PARD3B: variants seen among roughly 807,000 people sequenced by gnomAD.
PARD3B encodes the protein partitioning defective 3 homolog B.
Under a neutral mutation model 130.2 loss-of-function variants are expected in PARD3B, and 103 were observed. That is an observed-to-expected ratio of 0.79 (90% CI 0.67 to 0.93). PARD3B has a LOEUF of 0.93. PARD3B is among the 40% of genes least tolerant of loss of function. The probability of loss-of-function intolerance (pLI) is 0.00; values close to 1 mark genes in which losing one functional copy is unlikely to be tolerated. For synonymous variants in PARD3B, 583 were observed against 553.2 expected (o/e 1.05, Z -0.76); for missense variants, 1,609 against 1,499.2 (o/e 1.07, Z -1.21).
chr2:205,150,636 A>G (rs1260708535), intron 10 of PARD3B, among the ~76,000 whole-genome samples: 1 of 152,194 alleles, frequency 6.6e-6, no homozygotes, highest in Non-Finnish European at 1.5e-5. Context: ...TAAGCCTGGT[A>G]CAGCATAAGA....
chr2:205,606,467 A>T (rs184363948), intron 22 of PARD3B, among the ~76,000 whole-genome samples: 3 of 151,508 alleles, frequency 2.0e-5, no homozygotes, highest in African/African-American at 7.3e-5. Flanking sequence ...AAGAACCTGG[A>T]TACCTCAGTA....
chr2:205,506,757 A>G (rs2050380789), intron 21 of PARD3B, among the ~76,000 whole-genome samples: 1 of 152,238 alleles, frequency 6.6e-6, no homozygotes. Context: ...CCTTAAAAGC[A>G]TCTGATAAAA....
Position 205,125,796 on chromosome 2 carries a change from A to C in PARD3B, c.1434+59A>C. 1 of 1,589,050 alleles carries C rather than the reference A, an allele frequency of 6.3e-7. No homozygotes were observed. Among genetic ancestry groups the C allele is most frequent in the Non-Finnish European group, 8.6e-7 (1 of 1,164,032 alleles). ...AATGCCGAGCTTAATACACTCAATG[A>C]ACTCATTATAGCTGAGAAACGAGTT... is the stretch of plus-strand genomic sequence containing the variant. On this transcript the variant is annotated intron_variant, in intron 10 of 22. Coordinates refer to ENST00000406610, the MANE Select transcript of PARD3B (RefSeq NM_001302769.2). This position sits in a 1 kb window ranked among gnomAD's most constrained non-coding sequence, Gnocchi z 4.0.
chr2:205,611,287 A>G (rs1200573538), intron 22 of PARD3B, among the ~76,000 whole-genome samples: 1 of 152,172 alleles, frequency 6.6e-6, no homozygotes, highest in Non-Finnish European at 1.5e-5. Context: ...TCCTTCCAGT[A>G]TTGAGCCCTT....
In PARD3B at chr2:205,121,841, C is replaced by T; in HGVS notation, c.1057C>T (p.Pro353Ser). 6.2e-7 allele frequency: 1 copy of T among 1,614,100 alleles called. No homozygotes were observed. The highest frequency in any genetic ancestry group is 8.5e-7 in the Non-Finnish European group (1 of 1,179,994). ...ASASLQQNKS[P>S]RVPRLGGKPS... ...AGCTTCCCTGCAACAAAACAAGAGT[C>T]CCCGAGTACCAAGGCTGGGAGGAAA... The change falls in exon 8 of 23, where the codon CCC becomes TCC. Residue 353 changes from proline (P) to serine (S), a missense_variant. Physicochemically the swap from Pro to Ser is moderately conservative, Grantham distance 74. Coordinates refer to ENST00000406610, the MANE Select transcript of PARD3B (RefSeq NM_001302769.2). This position sits in a 1 kb window ranked among gnomAD's most constrained non-coding sequence, Gnocchi z 5.0.
chr2:205,336,667 G>T (rs1296544915), intron 18 of PARD3B, among the ~76,000 whole-genome samples: 1 of 152,138 alleles, frequency 6.6e-6, no homozygotes, highest in Non-Finnish European at 1.5e-5. Flanking sequence ...TAGTTAATGA[G>T]CCCTATTCCT....
At chr2:204,699,676 T>C (rs1435512100) in intron 2 of PARD3B, among the ~76,000 whole-genome samples, 1 of 152,016 alleles carries the variant, frequency 6.6e-6, no homozygotes, top group East Asian at 1.9e-4. Context: ...CAAAGAATAA[T>C]GTGATAGACA....
chr2:205,103,727 C>T, intron 4 of PARD3B: 1 of 985,444 alleles, frequency 1.0e-6, no homozygotes, highest in Non-Finnish European at 1.2e-6. Flanking sequence ...GCAGCAGCAT[C>T]AGGCGTGCTT....
At chr2:204,985,559 G>C (rs1284659483) in intron 3 of PARD3B, among the ~76,000 whole-genome samples, 1 of 152,200 alleles carries the variant, frequency 6.6e-6, no homozygotes, top group Non-Finnish European at 1.5e-5. Flanking sequence ...AACGTGGCTG[G>C]AATTTGACCA....
chr2:204,857,360 A>G (rs1455414988), intron 2 of PARD3B, among the ~76,000 whole-genome samples: 1 of 152,156 alleles, frequency 6.6e-6, no homozygotes, highest in Non-Finnish European at 1.5e-5. Context: ...TGGTGCCTTT[A>G]TAAGTTATCT....
intron 1 of PARD3B, among the ~76,000 whole-genome samples, chr2:204,599,961 A>G (rs778466523): frequency 6.6e-6 from 1 of 151,480 alleles, no homozygotes; most frequent in South Asian, 2.1e-4. Flanking sequence ...ATTTTTTCAC[A>G]TATTTTTTGG....
chr2:204,951,557 T>A (rs886617146), intron 2 of PARD3B, among the ~76,000 whole-genome samples: 1 of 152,240 alleles, frequency 6.6e-6, no homozygotes, highest in African/African-American at 2.4e-5. Flanking sequence ...CTTTGTGTAT[T>A]TATAATTAGA....
Position 204,606,333 on chromosome 2 carries a change from C to A in PARD3B, c.120+60214C>A, listed in dbSNP as rs1352116498. Reference sequence around the variant, plus strand: ...TTAGTACTTTTTAGTACTAAGAGGACTACTTTTTTAGTACTTTAGTTTCTC... The same window carrying A: ...TTAGTACTTTTTAGTACTAAGAGGAATACTTTTTTAGTACTTTAGTTTCTC... On this transcript the variant is annotated intron_variant, in intron 1 of 22. Transcript: ENST00000406610. This position sits in a 1 kb window ranked among gnomAD's most constrained non-coding sequence, Gnocchi z 4.0. 2.0e-5 allele frequency among the ~76,000 whole-genome samples: 3 copies of A among 152,080 alleles called. No individual in the cohort carries two copies. Among genetic ancestry groups the A allele is most frequent in the Non-Finnish European group, 4.4e-5 (3 of 68,006 alleles).
chr2:204,920,220 G>C (rs752479837), intron 2 of PARD3B, among the ~76,000 whole-genome samples: 5 of 152,062 alleles, frequency 3.3e-5, no homozygotes, highest in Non-Finnish European at 5.9e-5. Context: ...TTGCTCTTTT[G>C]GGGTTAGTAA....
chr2:205,037,919 A>T (rs1043568001), intron 3 of PARD3B, among the ~76,000 whole-genome samples: 2 of 152,162 alleles, frequency 1.3e-5, no homozygotes, highest in African/African-American at 4.8e-5. Flanking sequence ...TAAGGGGCTC[A>T]TGCAAATGAG....
chr2:205,341,786 T>G lies in PARD3B; in HGVS notation c.2630+40085T>G, dbSNP rs141518462. On this transcript the variant is annotated intron_variant, in intron 18 of 22. Transcript: ENST00000406610. This position sits in a 1 kb window ranked among gnomAD's most constrained non-coding sequence, Gnocchi z 4.3. The stretch of plus-strand genomic sequence containing the variant: ...GAAATGATGGATATGCTAATTACCC[T>G]GATTTTGTCATTATACATTATATGT... Among the ~76,000 whole-genome samples the G allele has an allele frequency of 6.6e-6, 1 of 152,276 alleles. No homozygotes were observed. The highest frequency in any genetic ancestry group is 1.5e-5 in the Non-Finnish European group (1 of 67,986).
chr2:205,340,525 T>C (rs1001139297), intron 18 of PARD3B, among the ~76,000 whole-genome samples: 1 of 152,026 alleles, frequency 6.6e-6, no homozygotes, highest in African/African-American at 2.4e-5. Context: ...ATAAATGGTG[T>C]GGGAAAACTT....
At chr2:205,418,538 T>C (rs1485235340) in intron 19 of PARD3B, among the ~76,000 whole-genome samples, 3 of 152,060 alleles carry the variant, frequency 2.0e-5, no homozygotes, top group African/African-American at 7.3e-5. Context: ...CATGAGAAAA[T>C]AGTGTTGTAG....
chr2:204,837,618 A>G (rs987692006), intron 2 of PARD3B, among the ~76,000 whole-genome samples: 3 of 151,938 alleles, frequency 2.0e-5, no homozygotes, highest in Non-Finnish European at 4.4e-5. Context: ...CCCTGAGTGT[A>G]TACATCCAGC....
Sources: gnomAD v4.1 joint callset for allele counts (sites outside exome capture counted in the v4.1 genomes callset) on GRCh38, gnomAD v4.1.1 for gene constraint, Gnocchi (gnomAD v3.1) non-coding constraint, MANE v1.5 for transcripts, NCBI Gene and HGNC (gene_info 2026-07-23, HGNC 2026-07-21) for gene names.